PDZRN3: variants seen among roughly 807,000 people sequenced by gnomAD.
PDZRN3 encodes E3 ubiquitin-protein ligase PDZRN3.
Under a neutral mutation model 85.7 loss-of-function variants are expected in PDZRN3, and 38 were observed. The ratio of observed to expected loss-of-function variants is 0.44; its 90% confidence interval spans 0.34 to 0.58. The LOEUF is 0.58. Ranked by LOEUF, PDZRN3 falls within the 20% of genes least tolerant of loss-of-function variation. PDZRN3 has a pLI of 0.01. For synonymous variants in PDZRN3, 759 were observed against 638.0 expected (o/e 1.19, Z -2.86); for missense variants, 1,629 against 1,506.4 (o/e 1.08, Z -1.35).
chr3:73,558,328 G>T (rs1575735331), intron 3 of PDZRN3, among the ~76,000 whole-genome samples: 1 of 152,256 alleles, frequency 6.6e-6, no homozygotes. Flanking sequence ...TGTACAGTGT[G>T]ATAAGTTTCT....
intron 3 of PDZRN3, among the ~76,000 whole-genome samples, chr3:73,570,179 A>G (rs1702025400): frequency 6.6e-6 from 1 of 152,172 alleles, no homozygotes; most frequent in Non-Finnish European, 1.5e-5. Flanking sequence ...GTGTATTGGC[A>G]CCAAGGACAA....
At chr3:73,515,823 G>C (rs764718049) in intron 3 of PDZRN3, among the ~76,000 whole-genome samples, 4 of 152,194 alleles carry the variant, frequency 2.6e-5, no homozygotes, top group Admixed American at 6.5e-5. Flanking sequence ...AGTAAATAAT[G>C]CATGGGTGAA....
At chr3:73,503,655 T>C (rs1392230623) in intron 3 of PDZRN3, among the ~76,000 whole-genome samples, 1 of 152,214 alleles carries the variant, frequency 6.6e-6, no homozygotes, top group East Asian at 1.9e-4. Context: ...AGGTCTTAAA[T>C]GACAATACAA....
chr3:73,431,829 C>T (rs1400278566), intron 3 of PDZRN3, among the ~76,000 whole-genome samples: 2 of 151,936 alleles, frequency 1.3e-5, no homozygotes, highest in African/African-American at 2.4e-5. Flanking sequence ...AGAATCCAGG[C>T]TCCCTCTTTT....
intron 3 of PDZRN3, chr3:73,433,615 A>C (rs1248878652): frequency 6.8e-7 from 1 of 1,480,308 alleles, no homozygotes; most frequent in Non-Finnish European, 9.1e-7. Flanking sequence ...ATGCACTTCT[A>C]TGGAATAAAA....
chr3:73,579,748 C>T (rs1702171434), intron 3 of PDZRN3, among the ~76,000 whole-genome samples: 1 of 152,094 alleles, frequency 6.6e-6, no homozygotes, highest in Non-Finnish European at 1.5e-5. Flanking sequence ...AAGGGTGCAA[C>T]TGAGAGGTTA....
rs552874222 is a variant in PDZRN3 at position 73,616,913 on chromosome 3, G to A, written c.723+7190C>T. On this transcript the variant is annotated intron_variant, in intron 1 of 9. Coordinates refer to ENST00000263666, the MANE Select transcript of PDZRN3 (RefSeq NM_015009.3). ...CAGGGCAAAGAGAACACATGAACCC[G>A]AATATTGCTGATCCCAGGATATGGA... Among the ~76,000 whole-genome samples, 14 of 152,248 alleles carry A rather than the reference G, an allele frequency of 9.2e-5. No individual in the cohort carries two copies. The South Asian group carries it at 2.1e-3, about 23-fold the overall frequency.
intron 3 of PDZRN3, among the ~76,000 whole-genome samples, chr3:73,466,336 G>A (rs1252412732): frequency 3.4e-5 from 3 of 87,166 alleles, no homozygotes; most frequent in Non-Finnish European, 6.9e-5. Context: ...AAAAAAAAAG[G>A]GGGGGCCCTT....
intron 3 of PDZRN3, among the ~76,000 whole-genome samples, chr3:73,465,323 A>G (rs1273747272): frequency 1.3e-5 from 2 of 152,148 alleles, no homozygotes; most frequent in Non-Finnish European, 2.9e-5. Context: ...CCTTTTCTGT[A>G]TATTTCCCTT....
chr3:73,601,540 A>G (rs28369519), intron 3 of PDZRN3, among the ~76,000 whole-genome samples: 22,130 of 152,114 alleles, frequency 0.15, 1,685 homozygotes, highest in Admixed American at 0.17. Context: ...AATTTAGCCC[A>G]TATGTGTATC....
intron 1 of PDZRN3, among the ~76,000 whole-genome samples, chr3:73,622,905 T>G (rs762814324): frequency 1.3e-5 from 2 of 152,126 alleles, no homozygotes; most frequent in Non-Finnish European, 2.9e-5. Flanking sequence ...CATGATAGTT[T>G]ATAGAACGTG....
intron 3 of PDZRN3, among the ~76,000 whole-genome samples, chr3:73,567,112 CA>C (rs1479250981): frequency 1.3e-5 from 2 of 152,140 alleles, no homozygotes; most frequent in Non-Finnish European, 2.9e-5. Flanking sequence ...GACATGCCCT[CA>C]AAAAGTCATC....
intron 3 of PDZRN3, among the ~76,000 whole-genome samples, chr3:73,490,242 C>T (rs1465409134): frequency 1.3e-5 from 2 of 152,196 alleles, no homozygotes; most frequent in East Asian, 3.9e-4. Flanking sequence ...GGGAGCACCC[C>T]ATACAGAATG....
intron 3 of PDZRN3, among the ~76,000 whole-genome samples, chr3:73,461,074 A>T (rs1703093639): frequency 6.6e-6 from 1 of 152,134 alleles, no homozygotes; most frequent in African/African-American, 2.4e-5. Context: ...GATTACAGGC[A>T]TGAGCCACCG....
chr3:73,574,958 G>C (rs1276128224), intron 3 of PDZRN3, among the ~76,000 whole-genome samples: 1 of 152,092 alleles, frequency 6.6e-6, no homozygotes, highest in Non-Finnish European at 1.5e-5. Flanking sequence ...CTCACCAAAG[G>C]GCTTGATAAG....
chr3:73,497,756 G>T (rs2106676523), intron 3 of PDZRN3, among the ~76,000 whole-genome samples: 1 of 152,220 alleles, frequency 6.6e-6, no homozygotes, highest in Admixed American at 6.5e-5. Context: ...TATATCTAGG[G>T]ATATAAGGGA....
At chr3:73,410,138 C>A (rs1158567908) in intron 3 of PDZRN3, among the ~76,000 whole-genome samples, 5 of 152,108 alleles carry the variant, frequency 3.3e-5, no homozygotes, top group African/African-American at 4.8e-5. Context: ...CGATAATACA[C>A]TATATACTGA....
At chr3:73,558,499 T>C (rs1375248281) in intron 3 of PDZRN3, among the ~76,000 whole-genome samples, 36 of 152,230 alleles carry the variant, frequency 2.4e-4, no homozygotes, top group Non-Finnish European at 1.5e-5. Context: ...ATAAACTAGA[T>C]GACTCATCCT....
chr3:73,451,252 C>T (rs971836472), intron 3 of PDZRN3, among the ~76,000 whole-genome samples: 6 of 152,020 alleles, frequency 3.9e-5, no homozygotes, highest in South Asian at 2.1e-4. Flanking sequence ...TCAGGGCAAG[C>T]GCAGTAAAAA....
Sources: allele counts gnomAD v4.1 joint callset (sites outside exome capture counted in the v4.1 genomes callset), GRCh38; gene constraint gnomAD v4.1.1; transcripts MANE v1.5; gene names NCBI Gene and HGNC (gene_info 2026-07-23, HGNC 2026-07-21).